Variants in ZNF454 observed in about 807,000 individuals in gnomAD.
ZNF454 encodes zinc finger protein 454.
In ZNF454, 30 loss-of-function variants were observed where a neutral mutation model predicts 48.2. That is an observed-to-expected ratio of 0.62 (90% CI 0.47 to 0.84). The LOEUF is 0.84. Among genes scored for constraint, ZNF454 ranks in the 40% least tolerant of loss-of-function variants. The probability of loss-of-function intolerance (pLI) is 0.00; values close to 1 mark genes in which losing one functional copy is unlikely to be tolerated. For missense variants in ZNF454, 510 were observed against 623.1 expected (o/e 0.82, Z 1.93); for synonymous variants, 204 against 211.4 (o/e 0.97, Z 0.30).
chr5:178,981,420 TCCC>T, the ZNF454 span: 1 of 519,982 alleles, frequency 1.9e-6, no homozygotes. The surrounding 1 kb of genome is among the most constrained non-coding windows in gnomAD (Gnocchi z 5.1). Context: ...GGTGGCTGTT[TCCC>T]ACCATGGGAA....
the ZNF454 span, chr5:178,989,211 A>AGCC: frequency 9.9e-5 from 12 of 121,700 alleles, no homozygotes; most frequent in Non-Finnish European, 1.5e-4. Flanking sequence ...CCCCCTCCCC[A>AGCC]CCCTCACCAC....
At position 178,964,820 on chromosome 5, in the gene ZNF454, G is replaced by T. The variant is rs765453823; in HGVS notation, c.416G>T (p.Arg139Leu). The part of the protein sequence containing the change: ...QCGGQEISLQ[R>L]VVLTHPNTPS... Reference sequence around the variant, plus strand: ...GGAGGCCAGGAGATCAGTTTGCAGCGAGTGGTACTCACTCACCCCAACACC... The same window carrying T: ...GGAGGCCAGGAGATCAGTTTGCAGCTAGTGGTACTCACTCACCCCAACACC... The change falls in exon 5 of 5, where the codon CGA becomes CTA. Residue 139 changes from arginine (R) to leucine (L), a missense_variant. Physicochemically the swap from Arg to Leu is moderately radical, Grantham distance 102 (BLOSUM62 -2). Transcript: ENST00000519564. 1 of 1,614,140 alleles carries T rather than the reference G, an allele frequency of 6.2e-7. No homozygotes were observed. Among genetic ancestry groups the T allele is most frequent in the Non-Finnish European group, 8.5e-7 (1 of 1,180,032 alleles).
Position 178,965,519 on chromosome 5 carries a change from C to T in ZNF454, c.1115C>T (p.Thr372Ile), listed in dbSNP as rs1760119570. The change falls in exon 5 of 5, where the codon ACT becomes ATT. Residue 372 changes from threonine (T) to isoleucine (I), a missense_variant. Transcript: ENST00000519564. This position sits in a 1 kb window ranked among gnomAD's most constrained non-coding sequence, Gnocchi z 5.2. ...GKAFRVNSSL[T>I]EHQRIHTGEK... Reference sequence around the variant, plus strand: ...GCCTTCAGGGTGAACTCTTCCCTTACTGAACATCAGAGAATTCATACTGGA... The same window carrying T: ...GCCTTCAGGGTGAACTCTTCCCTTATTGAACATCAGAGAATTCATACTGGA... The T allele has an allele frequency of 6.2e-7, 1 of 1,613,850 alleles. No individual in the cohort carries two copies. Among genetic ancestry groups the T allele is most frequent in the African/African-American group, 1.3e-5 (1 of 74,850 alleles).
At chr5:178,983,548 A>G in the ZNF454 span, 2 of 516,930 alleles carry the variant, frequency 3.9e-6, no homozygotes, top group Non-Finnish European at 7.5e-6. Flanking sequence ...GCCATTACCA[A>G]TGCCATTTAC....
chr5:178,967,082 G>A (rs1760175240), downstream of ZNF454, among the ~76,000 whole-genome samples: 1 of 152,128 alleles, frequency 6.6e-6, no homozygotes, highest in Admixed American at 6.5e-5. Context: ...CTTGAGTTAT[G>A]CATTTCCTCT....
At chr5:178,989,373 C>T in the ZNF454 span, 1 of 1,614,014 alleles carries the variant, frequency 6.2e-7, no homozygotes, top group Non-Finnish European at 8.5e-7. Context: ...CGGTTGTTCT[C>T]CAGGGATCGA....
At chr5:178,975,924 A>C in the ZNF454 span, among the ~76,000 whole-genome samples, 1 of 152,118 alleles carries the variant, frequency 6.6e-6, no homozygotes, top group East Asian at 1.9e-4. Flanking sequence ...ATCTTTATCT[A>C]ATCTATATCT....
intron 1 of ZNF454, among the ~76,000 whole-genome samples, chr5:178,942,022 C>T (rs1256769708): frequency 6.6e-5 from 10 of 152,198 alleles, no homozygotes; most frequent in Admixed American, 6.5e-4. Flanking sequence ...CCAGTCGAAC[C>T]CAGACACTGC....
chr5:178,974,733 C>G, the ZNF454 span, among the ~76,000 whole-genome samples: 3 of 152,176 alleles, frequency 2.0e-5, no homozygotes, highest in Admixed American at 2.0e-4. Context: ...CTATAAAAAC[C>G]TTCAGGTTTG....
rs762518578 is a variant in ZNF454, at chr5:178,956,875, T to C, written c.251-7780T>C. The C allele has an allele frequency of 1.6e-3, 572 of 367,482 alleles. 3 individuals are homozygous for C. Among genetic ancestry groups the C allele is most frequent in the Non-Finnish European group, 2.1e-3 (384 of 180,714 alleles). The allele number at this position is 367,482 out of a possible 1,614,324, so 22.8% of individuals were successfully genotyped here. A position where few individuals can be genotyped will look rare whatever the true frequency, so the allele number is the denominator to read the frequency against. On this transcript the variant is annotated intron_variant, in intron 4 of 4. Transcript: ENST00000519564. ...CGCCCGCCACCATGCCCGGCTAATTTTTTGTATTTTTTGTTTGTTTGTTTT... is the reference window on the plus strand; with the variant it reads ...CGCCCGCCACCATGCCCGGCTAATTCTTTGTATTTTTTGTTTGTTTGTTTT...
intron 4 of ZNF454, among the ~76,000 whole-genome samples, chr5:178,960,113 C>A (rs975475229): frequency 2.6e-5 from 4 of 151,292 alleles, no homozygotes; most frequent in Non-Finnish European, 4.4e-5. Context: ...CCATGCCTGG[C>A]TGATTTTTAA....
At chr5:178,954,277 CTG>C (rs1759667431) in intron 4 of ZNF454, among the ~76,000 whole-genome samples, 2 of 152,042 alleles carry the variant, frequency 1.3e-5, no homozygotes, top group South Asian at 4.2e-4. Context: ...CAGAGTGAAA[CTG>C]TGTCTTAAAA....
rs767349986 is a variant in ZNF454 at position 178,946,519 on chromosome 5, T to G, written c.160+34T>G. ...GACCCCTGCAAGGTTTCTCTTCACT[T>G]TTGGGGATCTCTTTGGGACCCTTAC... On this transcript the variant is annotated intron_variant, in intron 3 of 4. Coordinates refer to ENST00000519564, the MANE Select transcript of ZNF454 (RefSeq NM_001178089.3). This position sits in a 1 kb window ranked among gnomAD's most constrained non-coding sequence, Gnocchi z 4.5. The G allele has an allele frequency of 3.2e-6, 5 of 1,570,742 alleles. No individual in the cohort carries two copies. The highest frequency in any genetic ancestry group is 4.3e-6 in the Non-Finnish European group (5 of 1,163,518).
intron 4 of ZNF454, among the ~76,000 whole-genome samples, chr5:178,962,315 A>G (rs936874636): frequency 1.3e-5 from 2 of 150,966 alleles, no homozygotes; most frequent in African/African-American, 2.4e-5. Flanking sequence ...TTCAGTTTTC[A>G]GTAGTGCCTA....
chr5:178,976,785 C>A, the ZNF454 span, among the ~76,000 whole-genome samples: 8 of 152,138 alleles, frequency 5.3e-5, no homozygotes, highest in Non-Finnish European at 1.0e-4. Flanking sequence ...AGGGCATGGG[C>A]AAGACAAGGT....
chr5:178,962,635 CA>C (rs1477412733), intron 4 of ZNF454, among the ~76,000 whole-genome samples: 1 of 151,682 alleles, frequency 6.6e-6, no homozygotes, highest in Non-Finnish European at 1.5e-5. Flanking sequence ...ACATATTAAT[CA>C]CAGTTATTTT....
chr5:178,968,193 A>C (rs568747226), downstream of ZNF454, among the ~76,000 whole-genome samples: 10 of 152,084 alleles, frequency 6.6e-5, no homozygotes, highest in East Asian at 1.9e-3. Flanking sequence ...AGGAGCCTTC[A>C]CTACTGCAAG....
the ZNF454 span, among the ~76,000 whole-genome samples, chr5:178,971,493 G>A: frequency 3.9e-5 from 6 of 152,216 alleles, no homozygotes; most frequent in East Asian, 1.2e-3. Context: ...GAGGAGGCCT[G>A]GCTCTGGCTG....
chr5:178,959,829 T>G (rs942540861), intron 4 of ZNF454, among the ~76,000 whole-genome samples: 4 of 151,818 alleles, frequency 2.6e-5, no homozygotes, highest in Admixed American at 6.6e-5. Flanking sequence ...ATGGTCTCGA[T>G]CTCCTGACCT....
Sources: gnomAD v4.1 joint callset for allele counts (sites outside exome capture counted in the v4.1 genomes callset) on GRCh38, gnomAD v4.1.1 for gene constraint, Gnocchi (gnomAD v3.1) non-coding constraint, MANE v1.5 for transcripts, NCBI Gene and HGNC (gene_info 2026-07-23, HGNC 2026-07-21) for gene names.